The following THUMPD2 variants were observed in gnomAD, a reference collection of about 807,000 sequenced individuals.
The protein encoded by THUMPD2 is THUMP domain 2 tRNA and snRNA guanosine methyltransferase.
Under a neutral mutation model 49.4 loss-of-function variants are expected in THUMPD2, and 56 were observed. That is an observed-to-expected ratio of 1.13 (90% CI 0.91 to 1.41). The LOEUF is 1.41. Ranked by LOEUF, THUMPD2 falls within the 40% of genes most tolerant of loss-of-function variation. THUMPD2 has a pLI of 0.00. For synonymous variants in THUMPD2, 237 were observed against 205.2 expected, an observed-to-expected ratio of 1.15 and a Z score of -1.32; for missense variants, 709 against 594.5, an observed-to-expected ratio of 1.19 and a Z score of -2.00.
intron 3 of THUMPD2, chr2:39,768,843 G>T: frequency 8.6e-7 from 1 of 1,160,986 alleles, no homozygotes; most frequent in Non-Finnish European, 1.1e-6. Flanking sequence ...GATTAACTAT[G>T]TCAGCTACTA....
At chr2:39,737,264 T>G (rs1673212259) in intron 9 of THUMPD2, among the ~76,000 whole-genome samples, 1 of 109,222 alleles carries the variant, frequency 9.2e-6, no homozygotes, top group Non-Finnish European at 1.9e-5. Context: ...TCTGCTTTAA[T>G]TATCTATTTT....
Position 39,761,437 on chromosome 2 carries a change from G to A in THUMPD2, c.804-19C>T. 1.2e-6 allele frequency: 2 copies of A among 1,604,460 alleles called. No individual in the cohort carries two copies. Among genetic ancestry groups the A allele is most frequent in the South Asian group, 2.2e-5 (2 of 90,674 alleles). On this transcript the variant is annotated intron_variant, in intron 5 of 9. Coordinates refer to ENST00000505747, the MANE Select transcript of THUMPD2 (RefSeq NM_025264.5). ...GGAAACCCTACAAAGGATAGAATCT[G>A]ATTATATATTATTACACATTGAACA... is the stretch of plus-strand genomic sequence containing the variant.
At chr2:39,747,140 G>GT (rs1248733515) in intron 8 of THUMPD2, among the ~76,000 whole-genome samples, 1 of 152,102 alleles carries the variant, frequency 6.6e-6, no homozygotes, top group African/African-American at 2.4e-5. Flanking sequence ...TGATGTTTTG[G>GT]TTAGGCATAA....
chr2:39,753,879 C>T (rs2148250801), intron 8 of THUMPD2, among the ~76,000 whole-genome samples: 1 of 152,298 alleles, frequency 6.6e-6, no homozygotes, highest in East Asian at 1.9e-4. Context: ...TACTGTCCTT[C>T]CCTCACTAAA....
Position 39,736,864 on chromosome 2 carries a change from A to G in THUMPD2, c.1383T>C (p.Ser461=), listed in dbSNP as rs1349899061. The change falls in exon 10 of 10, where the codon AGT becomes AGC. Residue 461 remains serine (S), a synonymous_variant. Transcript: ENST00000505747. ...FKTASTSFEA[S]NHKFLDRMSP... is the part of the protein sequence containing the mutation. ...ACATTCTGTCTAAGAATTTGTGGTT[A>G]CTGGCTTCGAATGAAGTTGACGCTG... 1.9e-6 allele frequency: 3 copies of G among 1,614,088 alleles called. No individual in the cohort carries two copies. Among genetic ancestry groups the G allele is most frequent in the South Asian group, 2.2e-5 (2 of 91,090 alleles).
chr2:39,742,300 G>A (rs1009982815), intron 9 of THUMPD2, among the ~76,000 whole-genome samples: 1 of 152,080 alleles, frequency 6.6e-6, no homozygotes, highest in African/African-American at 2.4e-5. Context: ...ACTTTAAACT[G>A]GTCCCACTGA....
At chr2:39,747,785 C>G (rs972569226) in intron 8 of THUMPD2, among the ~76,000 whole-genome samples, 2 of 152,122 alleles carry the variant, frequency 1.3e-5, no homozygotes, top group African/African-American at 4.8e-5. Context: ...TTCCAGTTCA[C>G]AGTCCCTCCA....
chr2:39,747,629 T>G (rs536501624), intron 8 of THUMPD2, among the ~76,000 whole-genome samples: 8 of 152,204 alleles, frequency 5.3e-5, no homozygotes. Context: ...AACGTATCTG[T>G]GCAAAATGAA....
chr2:39,753,971 A>C (rs892947186), intron 8 of THUMPD2, among the ~76,000 whole-genome samples: 4 of 152,132 alleles, frequency 2.6e-5, no homozygotes, highest in Non-Finnish European at 4.4e-5. Flanking sequence ...CACACACACA[A>C]ACAGTGGAGC....
intron 9 of THUMPD2, among the ~76,000 whole-genome samples, chr2:39,742,156 T>C (rs924655522): frequency 1.3e-5 from 2 of 152,098 alleles, no homozygotes; most frequent in South Asian, 2.1e-4. Flanking sequence ...TTCACCACTA[T>C]ATTATGCCAC....
chr2:39,744,349 A>T, intron 9 of THUMPD2, 21 bp downstream of exon 9: 1 of 1,474,984 alleles, frequency 6.8e-7, no homozygotes, highest in Non-Finnish European at 9.2e-7. Context: ...AAAAATTATG[A>T]AAATAAATTC....
At chr2:39,761,936 A>G (rs1383888004) in intron 5 of THUMPD2, among the ~76,000 whole-genome samples, 1 of 152,214 alleles carries the variant, frequency 6.6e-6, no homozygotes, top group African/African-American at 2.4e-5. Context: ...ATTGTCTAAA[A>G]TAATTTACTG....
At chr2:39,740,697 C>G (rs1673778634) in intron 9 of THUMPD2, among the ~76,000 whole-genome samples, 1 of 151,486 alleles carries the variant, frequency 6.6e-6, no homozygotes. Context: ...CTGGTGTCAC[C>G]TAGTTCATAT....
intron 1 of THUMPD2, among the ~76,000 whole-genome samples, chr2:39,775,282 T>A (rs1193461051): frequency 1.3e-5 from 2 of 152,104 alleles, no homozygotes; most frequent in African/African-American, 4.8e-5. Context: ...CTGTCACGAT[T>A]TTTTTAAAAA....
intron 8 of THUMPD2, among the ~76,000 whole-genome samples, chr2:39,754,284 C>A (rs963379295): frequency 2.6e-5 from 4 of 152,190 alleles, no homozygotes; most frequent in African/African-American, 9.7e-5. Flanking sequence ...GTCTCCTGCA[C>A]AGAGTCCTAT....
intron 1 of THUMPD2, among the ~76,000 whole-genome samples, chr2:39,773,185 T>C (rs79405291): frequency 0.022 from 3,328 of 152,300 alleles, 131 homozygotes; most frequent in African/African-American, 0.075. Context: ...TCAAAATGCT[T>C]AGAAACTTGA....
At chr2:39,758,534 G>C (rs1676420679) in intron 6 of THUMPD2, among the ~76,000 whole-genome samples, 1 of 152,182 alleles carries the variant, frequency 6.6e-6, no homozygotes, top group South Asian at 2.1e-4. Flanking sequence ...GGGAGAATCA[G>C]TGGAATTAGG....
chr2:39,764,446 TG>T (rs1188140867), intron 5 of THUMPD2, among the ~76,000 whole-genome samples: 6 of 152,228 alleles, frequency 3.9e-5, no homozygotes, highest in African/African-American at 7.2e-5. Flanking sequence ...CTGTAGTAGG[TG>T]ATGTGTACAG....
At chr2:39,764,789 C>T (rs1254768762) in intron 5 of THUMPD2, among the ~76,000 whole-genome samples, 2 of 152,168 alleles carry the variant, frequency 1.3e-5, no homozygotes, top group African/African-American at 4.8e-5. Flanking sequence ...CTGCTTCCTT[C>T]CTACACTGAG....
Sources: gnomAD v4.1 joint callset for allele counts (sites outside exome capture counted in the v4.1 genomes callset) on GRCh38, gnomAD v4.1.1 for gene constraint, MANE v1.5 for transcripts, NCBI Gene and HGNC (gene_info 2026-07-23, HGNC 2026-07-21) for gene names.